Variants in EPB41L1 observed in about 807,000 individuals in gnomAD.
The protein encoded by EPB41L1 is erythrocyte membrane protein band 4.1 like 1.
Under a neutral mutation model 97.8 loss-of-function variants are expected in EPB41L1, and 29 were observed. That is an observed-to-expected ratio of 0.30 (90% CI 0.22 to 0.40). The LOEUF (loss-of-function observed/expected upper bound fraction) is 0.40. EPB41L1 is among the 10% of genes least tolerant of loss of function. The pLI, the probability that EPB41L1 is intolerant of heterozygous loss-of-function variation, is 1.00. For missense variants in EPB41L1, 812 were observed against 1,162.3 expected (o/e 0.70, Z 4.38); for synonymous variants, 383 against 459.2 (o/e 0.83, Z 2.12).
At chr20:36,214,467 C>G (rs770484748) in intron 17 of EPB41L1, 27 bp downstream of exon 17, 2 of 1,577,590 alleles carry the variant, frequency 1.3e-6, no homozygotes, top group Admixed American at 3.4e-5. Flanking sequence ...AGGCTTCCCT[C>G]TCTGACCAGC....
chr20:36,135,659 G>A (rs553142551), intron 2 of EPB41L1, among the ~76,000 whole-genome samples: 2 of 152,186 alleles, frequency 1.3e-5, no homozygotes, highest in Non-Finnish European at 2.9e-5. Context: ...TGAGGCTCTG[G>A]CCACCCTGGA....
chr20:36,136,556 A>G (rs1257762257), intron 2 of EPB41L1, among the ~76,000 whole-genome samples: 1 of 151,190 alleles, frequency 6.6e-6, no homozygotes, highest in Non-Finnish European at 1.5e-5. Flanking sequence ...CATCACTACC[A>G]CCATCTTCAG....
chr20:36,147,130 AGAGT>A (rs1376827959), intron 2 of EPB41L1, among the ~76,000 whole-genome samples: 1 of 152,184 alleles, frequency 6.6e-6, no homozygotes, highest in African/African-American at 2.4e-5. Context: ...CATGGGCGAC[AGAGT>A]GAGACCCTGT....
In EPB41L1 at chr20:36,207,995, G is replaced by T. The variant is rs1301816632; in HGVS notation, c.1669-1493G>T. Among the ~76,000 whole-genome samples, 1 of 152,168 alleles carries T rather than the reference G, an allele frequency of 6.6e-6. No individual in the cohort carries two copies. The highest frequency in any genetic ancestry group is 1.5e-5 in the Non-Finnish European group (1 of 68,036). ...TCTCTGCTTGGCCCATGTTAGCTTG[G>T]CCACAAAGACCCTCAGCTTTTGGTG... On this transcript the variant is annotated intron_variant, in intron 14 of 21. Coordinates refer to ENST00000338074, the MANE Select transcript of EPB41L1 (RefSeq NM_012156.2). This position sits in a 1 kb window ranked among gnomAD's most constrained non-coding sequence, Gnocchi z 4.9.
intron 5 of EPB41L1, among the ~76,000 whole-genome samples, chr20:36,179,965 CAT>C (rs923620289): frequency 2.8e-4 from 42 of 152,170 alleles, no homozygotes; most frequent in African/African-American, 1.0e-3. Flanking sequence ...GATCGGAAAA[CAT>C]ATAGGCAGCC....
At chr20:36,219,951 C>A in intron 19 of EPB41L1, 107 bp downstream of exon 19, 1 of 996,916 alleles carries the variant, frequency 1.0e-6, no homozygotes, top group Non-Finnish European at 1.6e-6. Context: ...CAGAGAAAAC[C>A]TGTAGTGTTT....
chr20:36,187,345 A>G (rs1163515498), intron 7 of EPB41L1, among the ~76,000 whole-genome samples: 9 of 152,340 alleles, frequency 5.9e-5, no homozygotes, highest in Admixed American at 2.0e-4. Flanking sequence ...GTCCGTAACA[A>G]TGGTTTTACA....
intron 14 of EPB41L1, among the ~76,000 whole-genome samples, chr20:36,208,671 C>T (rs2062962245): frequency 1.3e-5 from 2 of 152,232 alleles, no homozygotes; most frequent in Admixed American, 1.3e-4. Context: ...TTAGGTTGGT[C>T]TTTAAAAAGA....
At chr20:36,213,354 A>G (rs1263633087) in intron 16 of EPB41L1, among the ~76,000 whole-genome samples, 5 of 152,210 alleles carry the variant, frequency 3.3e-5, no homozygotes, top group Non-Finnish European at 7.3e-5. Flanking sequence ...ACTATGAGCT[A>G]TGATTCCACC....
At chr20:36,103,860 G>A (rs1038000870) in intron 1 of EPB41L1, among the ~76,000 whole-genome samples, 4 of 151,928 alleles carry the variant, frequency 2.6e-5, no homozygotes, top group African/African-American at 7.3e-5. Context: ...CCGCCACCAT[G>A]CCTGGCTAAT....
chr20:36,136,581 TTTTC>T (rs1569101322), intron 2 of EPB41L1, among the ~76,000 whole-genome samples: 2 of 150,576 alleles, frequency 1.3e-5, no homozygotes, highest in South Asian at 2.1e-4. Flanking sequence ...TTTAAATCTT[TTTTC>T]TTTCTTTTTT....
At position 36,183,735 on chromosome 20, in the gene EPB41L1, C is replaced by T. The variant is rs190826087; in HGVS notation, c.567-1382C>T. 9.2e-5 allele frequency among the ~76,000 whole-genome samples: 14 copies of T among 152,272 alleles called. No homozygotes were observed. The East Asian group carries it at 2.7e-3, about 29-fold the overall frequency. ...ATGAAAGATTGGTCAGAATATTTGG[C>T]AGTGATTTCTGAATTTTGAGACTTT... On this transcript the variant is annotated intron_variant, in intron 6 of 21. Transcript: ENST00000338074.
upstream of EPB41L1, chr20:36,150,515 CA>C (rs112162068): frequency 0.081 from 12,294 of 152,218 alleles, 671 homozygotes; most frequent in African/African-American, 0.15. Flanking sequence ...GACCTAAAAA[CA>C]GGGAGTTTAT....
chr20:36,232,754 G>C lies in EPB41L1; in HGVS notation c.*3414G>C. 2 of 394,000 alleles carry C rather than the reference G, an allele frequency of 5.1e-6. No individual in the cohort carries two copies. Among genetic ancestry groups the C allele is most frequent in the Non-Finnish European group, 8.9e-6 (2 of 223,834 alleles). 24.4% of individuals were successfully genotyped at this position (394,000 alleles called of 1,614,324 possible). ...CTGTATGCGTGTGCTCTCTGTTCTT[G>C]TATACTCAATATAAGTGAAATAAAT... On this transcript the variant is annotated 3_prime_UTR_variant, in exon 22 of 22. Coordinates refer to ENST00000338074, the MANE Select transcript of EPB41L1 (RefSeq NM_012156.2).
At position 36,143,009 on chromosome 20, in the gene EPB41L1, G is replaced by A. The variant is rs1490118662; in HGVS notation, c.-10+30529G>A. Reference sequence around the variant, plus strand: ...GGTGGTGGCAGCAGTAACTCTGACAGAGTGGAACTGCTCTCACCATCCTGT... The same window carrying A: ...GGTGGTGGCAGCAGTAACTCTGACAAAGTGGAACTGCTCTCACCATCCTGT... On this transcript the variant is annotated intron_variant, in intron 2 of 19. Transcript: ENST00000202028. 2.0e-5 allele frequency among the ~76,000 whole-genome samples: 3 copies of A among 152,218 alleles called. No individual in the cohort carries two copies. The East Asian group carries it at 5.8e-4, about 29-fold the overall frequency.
intron 14 of EPB41L1, chr20:36,205,780 GA>G: frequency 8.1e-7 from 1 of 1,228,724 alleles, no homozygotes; most frequent in Admixed American, 2.8e-5. Context: ...CTTACAAAGG[GA>G]AAAACTCACC....
chr20:36,201,428 T>TAG (rs1411720834), intron 14 of EPB41L1, among the ~76,000 whole-genome samples: 1 of 152,140 alleles, frequency 6.6e-6, no homozygotes, highest in African/African-American at 2.4e-5. Context: ...CTTCTATGCT[T>TAG]AGGGTCAGGG....
In EPB41L1 at chr20:36,186,736, T is replaced by C. The variant is rs1204480414; in HGVS notation, c.786-940T>C. Among the ~76,000 whole-genome samples the C allele has an allele frequency of 2.0e-5, 3 of 152,166 alleles. No homozygotes were observed. The East Asian group carries it at 5.8e-4, about 29-fold the overall frequency. ...AGTCATAATAATTCAGAGAAAGATGTTCAGATCAATATGGGCTGGAGAAAT... is the reference window on the plus strand; with the variant it reads ...AGTCATAATAATTCAGAGAAAGATGCTCAGATCAATATGGGCTGGAGAAAT... On this transcript the variant is annotated intron_variant, in intron 7 of 21. Coordinates refer to ENST00000338074, the MANE Select transcript of EPB41L1 (RefSeq NM_012156.2).
chr20:36,155,250 T>G (rs2060244532), intron 1 of EPB41L1: 1 of 449,840 alleles, frequency 2.2e-6, no homozygotes, highest in Non-Finnish European at 4.5e-6. Flanking sequence ...CTGCTGCTTC[T>G]GACGCTGCAG....
Sources: gnomAD v4.1 joint callset for allele counts (sites outside exome capture counted in the v4.1 genomes callset) on GRCh38, gnomAD v4.1.1 for gene constraint, Gnocchi (gnomAD v3.1) non-coding constraint, MANE v1.5 for transcripts, NCBI Gene and HGNC (gene_info 2026-07-23, HGNC 2026-07-21) for gene names.